The following WDR3 variants were observed in gnomAD, a reference collection of about 807,000 sequenced individuals.
WDR3 encodes the protein WD repeat domain 3, also known as WD repeat-containing protein 3.
In WDR3, 81 loss-of-function variants were observed where a neutral mutation model predicts 123.7. That is an observed-to-expected ratio of 0.65 (90% CI 0.55 to 0.79). WDR3 has a LOEUF of 0.79. WDR3 is among the 30% of genes least tolerant of loss of function. The pLI is 0.00. For synonymous variants in WDR3, 390 were observed against 388.8 expected, an observed-to-expected ratio of 1.00 and a Z score of -0.04; for missense variants, 1,027 against 1,123.2, an observed-to-expected ratio of 0.91 and a Z score of 1.22.
intron 26 of WDR3, 57 bp from the exon 27 acceptor site, chr1:117,959,235 G>A: frequency 6.3e-7 from 1 of 1,575,136 alleles, no homozygotes; most frequent in Non-Finnish European, 8.6e-7. Flanking sequence ...CTCATACGCT[G>A]CTATAATGAA....
Position 117,941,738 on chromosome 1 carries a change from T to A in WDR3, c.892-12T>A. 6.2e-7 allele frequency: 1 copy of A among 1,605,936 alleles called. No homozygotes were observed. The highest frequency in any genetic ancestry group is 8.5e-7 in the Non-Finnish European group (1 of 1,178,220). On this transcript the variant is annotated splice_polypyrimidine_tract_variant and intron_variant, in intron 8 of 26. Transcript: ENST00000349139. Reference sequence around the variant, plus strand: ...CCTCTCCTTGACTCACATTAACCTTTTGCCTTTCTAGGGAACTGACTCTGT... The same window carrying A: ...CCTCTCCTTGACTCACATTAACCTTATGCCTTTCTAGGGAACTGACTCTGT...
chr1:117,939,323 CTT>C (rs1274246408), intron 5 of WDR3, among the ~76,000 whole-genome samples, 152 bp from the exon 6 acceptor site: 1 of 152,152 alleles, frequency 6.6e-6, no homozygotes, highest in Non-Finnish European at 1.5e-5. Flanking sequence ...TGAGACTTCT[CTT>C]AGTGCATTTT....
At chr1:117,936,695 T>C in intron 3 of WDR3, 74 bp from the exon 4 acceptor site, 1 of 1,171,774 alleles carries the variant, frequency 8.5e-7, no homozygotes, top group Non-Finnish European at 1.2e-6. Flanking sequence ...AATAATTAAG[T>C]CTCATTGTTT....
intron 24 of WDR3, among the ~76,000 whole-genome samples, chr1:117,956,421 AAAC>A (rs1164496970): frequency 6.6e-6 from 1 of 152,232 alleles, no homozygotes; most frequent in Non-Finnish European, 1.5e-5. Flanking sequence ...TCCTTACAAG[AAAC>A]AACACTTGTC....
chr1:117,948,577 T>C (rs1651493397), intron 13 of WDR3, 71 bp downstream of exon 13: 1 of 1,125,512 alleles, frequency 8.9e-7, no homozygotes, highest in Non-Finnish European at 1.2e-6. Context: ...AGGGTTTCTT[T>C]AAAGAAAGCC....
At chr1:117,956,410 T>C (rs1299803435) in intron 24 of WDR3, among the ~76,000 whole-genome samples, 2 of 152,208 alleles carry the variant, frequency 1.3e-5, no homozygotes, top group Non-Finnish European at 2.9e-5. Flanking sequence ...TACATATATA[T>C]TCCTTACAAG....
intron 12 of WDR3, among the ~76,000 whole-genome samples, 164 bp downstream of exon 12, chr1:117,946,343 T>G (rs1033380188): frequency 6.7e-6 from 1 of 150,026 alleles, no homozygotes; most frequent in Admixed American, 6.6e-5. Context: ...TTTTACTTTA[T>G]TTTTTAAAAA....
chr1:117,938,120 C>T lies in WDR3; in HGVS notation c.501-360C>T, dbSNP rs542178368. On this transcript the variant is annotated intron_variant, in intron 4 of 26. Transcript: ENST00000349139. ...ACAAGAGACTAACTGGACAGGAAGACAAGGGAGTGGGAGCGGTCTAAGATG... is the reference window on the plus strand; with the variant it reads ...ACAAGAGACTAACTGGACAGGAAGATAAGGGAGTGGGAGCGGTCTAAGATG... 7.9e-5 allele frequency among the ~76,000 whole-genome samples: 12 copies of T among 152,188 alleles called. No individual in the cohort carries two copies. In the South Asian group the frequency reaches 2.1e-3, roughly 26 times the overall value.
At chr1:117,954,375 A>T (rs1160506984) in intron 22 of WDR3, among the ~76,000 whole-genome samples, 2 of 152,082 alleles carry the variant, frequency 1.3e-5, no homozygotes, top group Non-Finnish European at 2.9e-5. Flanking sequence ...ACCATTTCAG[A>T]TTTCTAGATA....
rs1653247321 is a variant in WDR3 at position 117,962,547 on chromosome 1, A to G, written c.*3100A>G. On this transcript the variant is annotated 3_prime_UTR_variant, in exon 27 of 27. Coordinates refer to ENST00000349139, the MANE Select transcript of WDR3 (RefSeq NM_006784.3). ...TGGGCAACAGAGCCAGACTCCATTG[A>G]AAAAAAAAAAAAAGGCTCTTGAATG... is the stretch of plus-strand genomic sequence containing the variant. 1 of 127,498 alleles carries G rather than the reference A, an allele frequency of 7.8e-6. No homozygotes were observed. Among genetic ancestry groups the G allele is most frequent in the Non-Finnish European group, 1.6e-5 (1 of 63,374 alleles). The allele number at this position is 127,498 out of a possible 1,614,324, so 7.9% of individuals were successfully genotyped here.
intron 25 of WDR3, among the ~76,000 whole-genome samples, chr1:117,957,537 A>C (rs1310548364): frequency 6.6e-6 from 1 of 152,238 alleles, no homozygotes; most frequent in African/African-American, 2.4e-5. Context: ...AGTTTGCCAA[A>C]AGCCAATTAT....
rs1351773710 is a variant in WDR3 at position 117,964,158 on chromosome 1, C to T, written c.*4711C>T. The T allele has an allele frequency of 1.5e-5, 6 of 397,100 alleles. No homozygotes were observed. The East Asian group carries it at 1.9e-4, about 13-fold the overall frequency. 24.6% of individuals were successfully genotyped at this position (397,100 alleles called of 1,614,324 possible). On this transcript the variant is annotated 3_prime_UTR_variant, in exon 27 of 27. Transcript: ENST00000349139. ...TCTGTTCTCCCTAGTGTACATTTCT[C>T]TCCTAACTGTGACTGGCTTTCTATA...
At chr1:117,953,869 G>T in intron 21 of WDR3, 138 bp from the exon 22 acceptor site, 1 of 708,526 alleles carries the variant, frequency 1.4e-6, no homozygotes, top group Non-Finnish European at 2.4e-6. Flanking sequence ...AATGCTTTTT[G>T]GCACTCTATT....
intron 21 of WDR3, 23 bp from the exon 22 acceptor site, chr1:117,953,984 C>T: frequency 1.3e-6 from 2 of 1,593,816 alleles, no homozygotes; most frequent in Non-Finnish European, 1.7e-6. Context: ...GTGATGACTT[C>T]TTTCCTTTCT....
intron 11 of WDR3, among the ~76,000 whole-genome samples, chr1:117,945,281 C>T (rs1651329940): frequency 6.6e-6 from 1 of 152,162 alleles, no homozygotes; most frequent in Non-Finnish European, 1.5e-5. Context: ...CTACCTTACA[C>T]ACCTTATCTC....
At chr1:117,954,409 A>G (rs1176992071) in intron 22 of WDR3, among the ~76,000 whole-genome samples, 171 bp from the exon 23 acceptor site, 1 of 152,118 alleles carries the variant, frequency 6.6e-6, no homozygotes, top group Non-Finnish European at 1.5e-5. Flanking sequence ...AAGCTCATTC[A>G]TGAGTACTAT....
chr1:117,936,984 T>C, intron 4 of WDR3, 97 bp downstream of exon 4: 1 of 953,902 alleles, frequency 1.0e-6, no homozygotes, highest in Non-Finnish European at 1.6e-6. Flanking sequence ...TGCTCATGCT[T>C]ATGCATTAGT....
At position 117,959,542 on chromosome 1, in the gene WDR3, A is replaced by G. The variant is rs1281821687; in HGVS notation, c.*95A>G. 4 of 1,310,562 alleles carry G rather than the reference A, an allele frequency of 3.1e-6. No individual in the cohort carries two copies. In the African/African-American group the frequency reaches 6.0e-5, roughly 20 times the overall value. The allele number at this position is 1,310,562 out of a possible 1,614,324, so 81.2% of individuals were successfully genotyped here. On this transcript the variant is annotated 3_prime_UTR_variant, in exon 27 of 27. Coordinates refer to ENST00000349139, the MANE Select transcript of WDR3 (RefSeq NM_006784.3). ...AGTTGGCGTCATCTTAAAAATACCA[A>G]ATAACAGAAGATCGCATTGCAGATG...
In WDR3 at chr1:117,941,127, A is replaced by G. The variant is rs779787187; in HGVS notation, c.793A>G (p.Ile265Val). 7 of 1,614,096 alleles carry G rather than the reference A, an allele frequency of 4.3e-6. No homozygotes were observed. The Admixed American group carries it at 1.0e-4, about 23-fold the overall frequency. The change falls in exon 8 of 27, where the codon ATC becomes GTC. Residue 265 changes from isoleucine (I) to valine (V), a missense_variant. Physicochemically the swap from Ile to Val is conservative, Grantham distance 29 (BLOSUM62 3). Transcript: ENST00000349139. The part of the protein sequence containing the change: ...FETDEAPEDR[I>V]LSCRKAGSIM... Reference sequence around the variant, plus strand: ...TCTGCTCTTGCTTCTTCTGTAGCGAATCCTTTCATGCAGAAAAGCTGGTTC... The same window carrying G: ...TCTGCTCTTGCTTCTTCTGTAGCGAGTCCTTTCATGCAGAAAAGCTGGTTC...
Sources: gnomAD v4.1 joint callset for allele counts (sites outside exome capture counted in the v4.1 genomes callset) on GRCh38, gnomAD v4.1.1 for gene constraint, MANE v1.5 for transcripts, NCBI Gene and HGNC (gene_info 2026-07-23, HGNC 2026-07-21) for gene names.